Variants in GLCE observed in about 807,000 individuals in gnomAD.
GLCE encodes the protein D-glucuronyl C5-epimerase.
In GLCE, 19 loss-of-function variants were observed where a neutral mutation model predicts 47.9. The observed-to-expected ratio is 0.40, with a 90% CI of 0.28 to 0.58. The LOEUF (loss-of-function observed/expected upper bound fraction) is 0.58. GLCE is among the 20% of genes least tolerant of loss of function. The probability of loss-of-function intolerance (pLI) is 0.48; values close to 1 mark genes in which losing one functional copy is unlikely to be tolerated. For missense variants in GLCE, 556 were observed against 743.3 expected (o/e 0.75, Z 2.93); for synonymous variants, 245 against 263.4 (o/e 0.93, Z 0.68).
intron 2 of GLCE, among the ~76,000 whole-genome samples, chr15:69,249,679 A>G (rs1358434238): frequency 1.3e-5 from 2 of 152,194 alleles, no homozygotes; most frequent in African/African-American, 4.8e-5. Context: ...TAAAAAACCT[A>G]TTGAAAGGTT....
chr15:69,189,313 T>G (rs955027786), intron 1 of GLCE, among the ~76,000 whole-genome samples: 5 of 152,198 alleles, frequency 3.3e-5, no homozygotes, highest in Admixed American at 2.0e-4. Flanking sequence ...GATTGGCTTC[T>G]TTCACGTAGT....
chr15:69,165,271 C>G (rs978045669), intron 1 of GLCE, among the ~76,000 whole-genome samples: 2 of 152,150 alleles, frequency 1.3e-5, no homozygotes, highest in African/African-American at 4.8e-5. Flanking sequence ...ACTTTATCAG[C>G]CCAACTCTCT....
At chr15:69,189,027 T>G (rs189140125) in intron 1 of GLCE, among the ~76,000 whole-genome samples, 1 of 152,026 alleles carries the variant, frequency 6.6e-6, no homozygotes, top group African/African-American at 2.4e-5. Flanking sequence ...CCTACAGTGA[T>G]GTATCATTAT....
At chr15:69,219,054 A>G (rs2052345029) in intron 2 of GLCE, among the ~76,000 whole-genome samples, 1 of 152,120 alleles carries the variant, frequency 6.6e-6, no homozygotes, top group Non-Finnish European at 1.5e-5. Context: ...AACCGTCTTT[A>G]TCTTAATGGT....
intron 2 of GLCE, among the ~76,000 whole-genome samples, chr15:69,246,612 A>G (rs756226793): frequency 6.6e-6 from 1 of 151,292 alleles, no homozygotes; most frequent in Non-Finnish European, 1.5e-5. Context: ...GCTACTCAGG[A>G]GGCTGAGGCA....
At chr15:69,266,534 G>A (rs1024141752) in intron 4 of GLCE, among the ~76,000 whole-genome samples, 1 of 152,078 alleles carries the variant, frequency 6.6e-6, no homozygotes, top group African/African-American at 2.4e-5. Context: ...TTCTTGCCCA[G>A]ACTGGTCTCA....
At chr15:69,202,707 T>C (rs769783658) in intron 1 of GLCE, among the ~76,000 whole-genome samples, 64 of 152,242 alleles carry the variant, frequency 4.2e-4, no homozygotes, top group Non-Finnish European at 8.4e-4. Flanking sequence ...CATAGAACTT[T>C]TTATCAGAAC....
chr15:69,197,710 G>T (rs2052014409), intron 1 of GLCE, among the ~76,000 whole-genome samples: 1 of 152,170 alleles, frequency 6.6e-6, no homozygotes, highest in Non-Finnish European at 1.5e-5. Context: ...GGGATGAAAA[G>T]CTTGGTTGAT....
intron 2 of GLCE, among the ~76,000 whole-genome samples, chr15:69,215,198 A>AT (rs1001583679): frequency 3.3e-5 from 5 of 151,886 alleles, no homozygotes; most frequent in Admixed American, 3.3e-4. Flanking sequence ...CGCACCCCCA[A>AT]TTTTTTTGTG....
At chr15:69,206,646 T>C (rs1323624852) in intron 1 of GLCE, among the ~76,000 whole-genome samples, 1 of 151,998 alleles carries the variant, frequency 6.6e-6, no homozygotes, top group East Asian at 1.9e-4. Flanking sequence ...ACATGTCCCG[T>C]CCTTTTCTTT....
chr15:69,164,474 A>G (rs972306934), intron 1 of GLCE, among the ~76,000 whole-genome samples: 3 of 150,682 alleles, frequency 2.0e-5, no homozygotes, highest in Admixed American at 6.6e-5. Flanking sequence ...TATAATATAT[A>G]CTTTTGCTTT....
intron 1 of GLCE, among the ~76,000 whole-genome samples, chr15:69,174,415 A>T (rs925821108): frequency 6.9e-5 from 3 of 43,374 alleles, no homozygotes. Flanking sequence ...TTTGAGACCA[A>T]CCTGGCCTAC....
chr15:69,176,220 T>TTTG (rs2051661603), intron 1 of GLCE, among the ~76,000 whole-genome samples: 1 of 132,608 alleles, frequency 7.5e-6, no homozygotes. Flanking sequence ...AACCTTGTTT[T>TTTG]TTTTTTTTTT....
At chr15:69,243,057 CAAAAA>C (rs547412078) in intron 2 of GLCE, among the ~76,000 whole-genome samples, 2 of 42,356 alleles carry the variant, frequency 4.7e-5, no homozygotes, top group African/African-American at 7.6e-5. Context: ...AGATCCTGTC[CAAAAA>C]AAAAAAAAAA....
chr15:69,197,264 T>C, intron 1 of GLCE: 1 of 356,008 alleles, frequency 2.8e-6, no homozygotes, highest in South Asian at 2.4e-5. Flanking sequence ...GACTACCACT[T>C]CTTCAAGCAT....
intron 2 of GLCE, among the ~76,000 whole-genome samples, chr15:69,247,378 G>A (rs553054456): frequency 1.3e-5 from 2 of 152,334 alleles, no homozygotes; most frequent in South Asian, 4.1e-4. Flanking sequence ...TAAAATTGAA[G>A]AGGGTTAGGG....
At chr15:69,165,505 CTTTTTTT>C (rs1172987241) in intron 1 of GLCE, among the ~76,000 whole-genome samples, 3 of 84,628 alleles carry the variant, frequency 3.5e-5, no homozygotes, top group East Asian at 7.9e-4. Flanking sequence ...GCACTGTCTG[CTTTTTTT>C]TTTTTTTTTT....
chr15:69,212,135 C>T (rs896626177), intron 2 of GLCE, among the ~76,000 whole-genome samples: 1 of 151,330 alleles, frequency 6.6e-6, no homozygotes, highest in Non-Finnish European at 1.5e-5. Flanking sequence ...AATGAGGCCA[C>T]CTTAGCATTG....
intron 2 of GLCE, among the ~76,000 whole-genome samples, chr15:69,236,628 A>G (rs1396141749): frequency 1.3e-5 from 2 of 152,222 alleles, no homozygotes; most frequent in African/African-American, 4.8e-5. Context: ...TAACCGCTCT[A>G]AAAGAAAAAT....
Sources: gnomAD v4.1 joint callset for allele counts (sites outside exome capture counted in the v4.1 genomes callset) on GRCh38, gnomAD v4.1.1 for gene constraint, MANE v1.5 for transcripts, NCBI Gene and HGNC (gene_info 2026-07-23, HGNC 2026-07-21) for gene names.